The following ADCY3 variants were observed in gnomAD, a reference collection of about 807,000 sequenced individuals.
ADCY3 encodes adenylate cyclase type 3.
Under a neutral mutation model 119.4 loss-of-function variants are expected in ADCY3, and 70 were observed. The ratio of observed to expected loss-of-function variants is 0.59; its 90% confidence interval spans 0.48 to 0.72. The LOEUF is 0.72. Ranked by LOEUF, ADCY3 falls within the 30% of genes least tolerant of loss-of-function variation. The probability of loss-of-function intolerance (pLI) is 0.00; values close to 1 mark genes in which losing one functional copy is unlikely to be tolerated. For synonymous variants in ADCY3, 672 were observed against 621.4 expected (o/e 1.08, Z -1.21); for missense variants, 1,238 against 1,541.6 (o/e 0.80, Z 3.30).
At chr2:24,831,607 G>C in intron 12 of ADCY3, 55 bp downstream of exon 12, 1 of 1,377,890 alleles carries the variant, frequency 7.3e-7, no homozygotes, top group Non-Finnish European at 1.0e-6. Flanking sequence ...CAGTTTTACA[G>C]GGAGTGCCAC....
At position 24,920,106 on chromosome 2, in the gene ADCY3, G is replaced by A. The variant is rs1664922697; in HGVS notation, c.-621C>T. ...GCGGGGCCCTCCCCGGCGGGAGCGC[G>A]GGCCGAGCCCGGGGAAGCCCGCCAG... On this transcript the variant is annotated 5_prime_UTR_variant, in exon 1 of 22. Coordinates refer to ENST00000679454, the MANE Select transcript of ADCY3 (RefSeq NM_004036.5). This position sits in a 1 kb window ranked among gnomAD's most constrained non-coding sequence, Gnocchi z 4.5. Among the ~76,000 whole-genome samples the A allele has an allele frequency of 1.4e-5, 2 of 146,106 alleles. No individual in the cohort carries two copies. The highest frequency in any genetic ancestry group is 3.0e-5 in the Non-Finnish European group (2 of 65,724).
chr2:24,828,139 G>A lies in ADCY3; in HGVS notation c.2195C>T (p.Thr732Met), dbSNP rs759311730. 140 of 1,613,918 alleles carry A rather than the reference G, an allele frequency of 8.7e-5. No homozygotes were observed. Among genetic ancestry groups the A allele is most frequent in the Non-Finnish European group, 1.1e-4 (132 of 1,180,036 alleles). ...CCCTGCCGTTGCATTGCTGGGTCCC[G>A]TGTAGTACTGGAGACAGCTGAGCTG... Reference protein sequence around the residue: ...VDMLSCLQYYTGPSNATAGME... With the variant: ...VDMLSCLQYYMGPSNATAGME... The change falls in exon 14 of 22, where the codon ACG becomes ATG. Residue 732 changes from threonine to methionine, a missense_variant. By Grantham distance (81) the Thr-to-Met change is moderately conservative (BLOSUM62 -1). Around this residue, in one of 7 missense-constraint regions of ADCY3, gnomAD observed 499 missense variants for 571.0 expected, o/e 0.87. Transcript: ENST00000679454.
chr2:24,853,640 TTA>T (rs1006158567), intron 3 of ADCY3, among the ~76,000 whole-genome samples: 2 of 151,964 alleles, frequency 1.3e-5, no homozygotes, highest in African/African-American at 4.8e-5. Context: ...TGGCTAATTT[TTA>T]TATGTTTAGT....
At position 24,826,111 on chromosome 2, in the gene ADCY3, A is replaced by G; in HGVS notation, c.2511T>C (p.Pro837=). 1.2e-6 allele frequency: 2 copies of G among 1,614,044 alleles called. No homozygotes were observed. Among genetic ancestry groups the G allele is most frequent in the South Asian group, 2.2e-5 (2 of 91,070 alleles). Residue 837 remains proline, a synonymous_variant, in exon 16 of 22, where the codon CCT becomes CCC. Coordinates refer to ENST00000679454, the MANE Select transcript of ADCY3 (RefSeq NM_004036.5). ...CCATCACCGTCATAGAGTACTTGGAAGGCACCAGGGGCAGCCTGCTGGGCA... is the reference window on the plus strand; with the variant it reads ...CCATCACCGTCATAGAGTACTTGGAGGGCACCAGGGGCAGCCTGCTGGGCA... ...LNGTDRLPLV[P]SKYSMTVMVF... is the part of the protein sequence containing the mutation.
chr2:24,914,504 C>T (rs1048858563), intron 2 of ADCY3, among the ~76,000 whole-genome samples: 12 of 152,102 alleles, frequency 7.9e-5, no homozygotes, highest in African/African-American at 2.9e-4. Context: ...GAAATCCTGT[C>T]TCTACTAGAA....
intron 2 of ADCY3, among the ~76,000 whole-genome samples, chr2:24,903,149 CAAAA>C (rs57777144): frequency 2.1e-5 from 2 of 95,470 alleles, no homozygotes; most frequent in East Asian, 3.2e-4. Flanking sequence ...ACTCTATCTC[CAAAA>C]AAAAAAAAAA....
chr2:24,866,184 A>G (rs753837300), intron 3 of ADCY3, among the ~76,000 whole-genome samples: 39 of 152,326 alleles, frequency 2.6e-4, no homozygotes, highest in Non-Finnish European at 2.2e-4. Context: ...CCTTTCAGGT[A>G]AGACCCCTGA....
At chr2:24,862,103 C>A (rs1673730852) in intron 3 of ADCY3, among the ~76,000 whole-genome samples, 1 of 152,160 alleles carries the variant, frequency 6.6e-6, no homozygotes, top group South Asian at 2.1e-4. Context: ...GCGGGGTCAT[C>A]CCTCCCCAAC....
In ADCY3 at chr2:24,918,873, A is replaced by G; in HGVS notation, c.115T>C (p.Ser39Pro). 1.2e-6 allele frequency: 2 copies of G among 1,613,122 alleles called. No homozygotes were observed. Among genetic ancestry groups the G allele is most frequent in the Non-Finnish European group, 1.7e-6 (2 of 1,180,018 alleles). Residue 39 changes from serine to proline, a missense_variant, in exon 2 of 22, where the codon TCG becomes CCG. Around this residue, in one of 7 missense-constraint regions of ADCY3, gnomAD observed 227 missense variants for 249.3 expected, o/e 0.91. Transcript: ENST00000679454. The surrounding 1 kb of genome is among the most constrained non-coding windows in gnomAD (Gnocchi z 5.4). ...AGGCAGGAGCCCGAGTTCCGGACCG[A>G]GATTTCATGGGTCCGGCCCACCCCG... ...DRGVGRTHEI[S>P]VRNSGSCLCL... is the part of the protein sequence containing the mutation.
rs1349544308 is a variant in ADCY3 at position 24,834,771 on chromosome 2, G to A, written c.1805+23C>T. On this transcript the variant is annotated intron_variant, in intron 10 of 21. Transcript: ENST00000679454. This position sits in a 1 kb window ranked among gnomAD's most constrained non-coding sequence, Gnocchi z 4.2. Reference sequence around the variant, plus strand: ...AGGGCCCGGGAGGAGTGGTGGGCCTGGACGCTTCCGGGTGGCGCTTACACT... The same window carrying A: ...AGGGCCCGGGAGGAGTGGTGGGCCTAGACGCTTCCGGGTGGCGCTTACACT... 1.2e-6 allele frequency: 2 copies of A among 1,609,252 alleles called. No individual in the cohort carries two copies. The highest frequency in any genetic ancestry group is 3.3e-5 in the Admixed American group (2 of 59,956).
rs1157843838 is a variant in ADCY3 at position 24,899,876 on chromosome 2, T to A, written c.675+18437A>T. ...GGAGCAAGGGAAGGAAGGAGGACTT[T>A]CACTTTTATTCTTTGTACTCCTGTC... On this transcript the variant is annotated intron_variant, in intron 2 of 21. Transcript: ENST00000679454. The surrounding 1 kb of genome is among the most constrained non-coding windows in gnomAD (Gnocchi z 4.5). 6.6e-6 allele frequency among the ~76,000 whole-genome samples: 1 copy of A among 152,208 alleles called. No homozygotes were observed. Among genetic ancestry groups the A allele is most frequent in the African/African-American group, 2.4e-5 (1 of 41,456 alleles).
chr2:24,845,371 G>A (rs1671544500), intron 3 of ADCY3, among the ~76,000 whole-genome samples: 1 of 152,232 alleles, frequency 6.6e-6, no homozygotes, highest in African/African-American at 2.4e-5. Context: ...GAACAATAAG[G>A]TCCAGGCTGA....
intron 20 of ADCY3, 169 bp from the exon 21 acceptor site, chr2:24,821,017 T>G: frequency 3.1e-6 from 3 of 966,290 alleles, no homozygotes; most frequent in Non-Finnish European, 3.0e-6. Flanking sequence ...ATCTCCTGTT[T>G]ATCCGTGTGC....
chr2:24,881,574 T>A (rs1476996074), intron 2 of ADCY3, among the ~76,000 whole-genome samples: 3 of 152,168 alleles, frequency 2.0e-5, no homozygotes, highest in Non-Finnish European at 2.9e-5. Flanking sequence ...CCCAAGAGGA[T>A]GCAGTAAGTA....
At chr2:24,902,244 C>T (rs1679003368) in intron 2 of ADCY3, among the ~76,000 whole-genome samples, 1 of 151,986 alleles carries the variant, frequency 6.6e-6, no homozygotes, top group Non-Finnish European at 1.5e-5. Flanking sequence ...CCACGCCTGG[C>T]TAATTTTTTA....
chr2:24,915,654 C>T (rs551726770), intron 2 of ADCY3, among the ~76,000 whole-genome samples: 1 of 152,300 alleles, frequency 6.6e-6, no homozygotes, highest in East Asian at 1.9e-4. Flanking sequence ...GATTCTCCTG[C>T]CTCAGTCTCC....
intron 19 of ADCY3, 184 bp from the exon 20 acceptor site, chr2:24,821,824 G>A (rs1228012917): frequency 1.9e-5 from 16 of 832,652 alleles, no homozygotes; most frequent in East Asian, 8.4e-5. Context: ...CAAAGTTCAC[G>A]TAGCAGGTCT....
intron 20 of ADCY3, 97 bp from the exon 21 acceptor site, chr2:24,820,945 T>G: frequency 2.0e-4 from 303 of 1,482,214 alleles, no homozygotes; most frequent in Non-Finnish European, 2.4e-4. Flanking sequence ...ACAAAGCTCC[T>G]AATGTAACAC....
intron 2 of ADCY3, among the ~76,000 whole-genome samples, chr2:24,912,439 G>A (rs557518409): frequency 6.6e-6 from 1 of 152,358 alleles, no homozygotes; most frequent in East Asian, 1.9e-4. Context: ...GGGATTTGCT[G>A]TTTGTTTATG....
Sources: gnomAD v4.1 joint callset for allele counts (sites outside exome capture counted in the v4.1 genomes callset) on GRCh38, gnomAD v4.1.1 for gene constraint, gnomAD v4.1.1 regional missense constraint, Gnocchi (gnomAD v3.1) non-coding constraint, MANE v1.5 for transcripts, NCBI Gene and HGNC (gene_info 2026-07-23, HGNC 2026-07-21) for gene names.